Variants in VGLL2 observed in about 807,000 individuals in gnomAD.
VGLL2 encodes the protein transcription cofactor vestigial-like protein 2.
A neutral mutation model predicts 27.0 loss-of-function variants in VGLL2; 18 were observed. The ratio of observed to expected loss-of-function variants is 0.67; its 90% CI spans 0.46 to 0.99. VGLL2 has a LOEUF of 0.99. Ranked by LOEUF, VGLL2 falls within the 50% of genes least tolerant of loss-of-function variation. The pLI is 0.00. For missense variants in VGLL2, 491 were observed against 452.3 expected, an observed-to-expected ratio of 1.09 and a Z score of -0.78; for synonymous variants, 220 against 201.1, an observed-to-expected ratio of 1.09 and a Z score of -0.80.
In VGLL2 at chr6:117,268,233, C is replaced by G; in HGVS notation, c.133C>G (p.Pro45Ala). Residue 45 changes from proline (P) to alanine (A), a missense_variant, in exon 2 of 4, where the codon CCC becomes GCC. By Grantham distance (27) the Pro-to-Ala change is conservative (BLOSUM62 -1). Transcript: ENST00000326274. ...MQEAQECNAS[P>A]SSSGSGSSSF... ...GGAAGCGCAGGAGTGCAATGCCAGC[C>G]CCAGCAGCAGTGGCAGCGGCAGCTC... 3 of 1,614,184 alleles carry G rather than the reference C, an allele frequency of 1.9e-6. No homozygotes were observed. The highest frequency in any genetic ancestry group is 2.5e-6 in the Non-Finnish European group (3 of 1,180,040).
At chr6:117,267,291 A>C (rs1459715126) in intron 1 of VGLL2, among the ~76,000 whole-genome samples, 1 of 152,170 alleles carries the variant, frequency 6.6e-6, no homozygotes, top group Non-Finnish European at 1.5e-5. Flanking sequence ...CATTTCTAAG[A>C]AAATGTTCAC....
intron 2 of VGLL2, among the ~76,000 whole-genome samples, chr6:117,269,866 T>G (rs1217481425): frequency 6.6e-6 from 1 of 152,204 alleles, no homozygotes; most frequent in South Asian, 2.1e-4. Context: ...TGTCCTTCTG[T>G]GCAAATAATA....
intron 1 of VGLL2, 73 bp downstream of exon 1, chr6:117,265,917 A>C (rs1656292405): frequency 2.9e-6 from 4 of 1,385,776 alleles, no homozygotes; most frequent in Non-Finnish European, 2.0e-6. Flanking sequence ...CTGTACGCCA[A>C]GGTCTGCTGT....
Position 117,265,719 on chromosome 6 carries a change from G to C in VGLL2, c.-45G>C. ...GCAGCACCCCTGAGCTCCGGGGAAG[G>C]AGAGTTAATGAAAAAACACTTAACC... On this transcript the variant is annotated 5_prime_UTR_variant, in exon 1 of 4. Transcript: ENST00000326274. 4 of 1,554,796 alleles carry C rather than the reference G, an allele frequency of 2.6e-6. No homozygotes were observed. Among genetic ancestry groups the C allele is most frequent in the Non-Finnish European group, 3.5e-6 (4 of 1,126,806 alleles).
At chr6:117,270,508 C>A in intron 2 of VGLL2, 35 bp from the exon 3 acceptor site, 1 of 1,546,030 alleles carries the variant, frequency 6.5e-7, no homozygotes, top group Admixed American at 1.9e-5. Context: ...ACCTCTTTTC[C>A]TTTCCTCCAC....
chr6:117,271,304 AT>A (rs1472570915), intron 3 of VGLL2, among the ~76,000 whole-genome samples: 1 of 138,758 alleles, frequency 7.2e-6, no homozygotes, highest in African/African-American at 2.8e-5. Flanking sequence ...TAAAATAATA[AT>A]AATAATAATA....
intron 2 of VGLL2, 51 bp downstream of exon 2, chr6:117,268,542 G>A: frequency 6.7e-7 from 1 of 1,494,702 alleles, no homozygotes; most frequent in Non-Finnish European, 8.9e-7. Context: ...CTCTCAGCCT[G>A]GGGTTCACCT....
chr6:117,265,692 A>G lies in VGLL2; in HGVS notation c.-72A>G, dbSNP rs1773051378. The G allele has an allele frequency of 2.2e-6, 3 of 1,379,520 alleles. No individual in the cohort carries two copies. Among genetic ancestry groups the G allele is most frequent in the East Asian group, 4.6e-5 (2 of 43,270 alleles). The allele number at this position is 1,379,520 out of a possible 1,614,324, so 85.5% of individuals were successfully genotyped here. A position where few individuals can be genotyped will look rare whatever the true frequency, so the allele number is the denominator to read the frequency against. ...CAGAGCGCGGGTCCAAGCGCCGCCC[A>G]TGCAGCACCCCTGAGCTCCGGGGAA... On this transcript the variant is annotated 5_prime_UTR_variant, in exon 1 of 4. The change abolishes an upstream ATG in the 5' untranslated region. Coordinates refer to ENST00000326274, the MANE Select transcript of VGLL2 (RefSeq NM_182645.3).
In VGLL2 at chr6:117,267,262, C is replaced by T. The variant is rs191201423; in HGVS notation, c.82-920C>T. On this transcript the variant is annotated intron_variant, in intron 1 of 3. Transcript: ENST00000326274. ...TCTCTGCCTGCAGAATGCTTTAACA[C>T]TTCATTCAGTCCATTGCTCATTTCT... Among the ~76,000 whole-genome samples the T allele has an allele frequency of 2.7e-3, 406 of 152,296 alleles. 5 individuals are homozygous for T. In the Middle Eastern group the frequency reaches 0.034, roughly 13 times the overall value.
At chr6:117,270,429 C>A in intron 2 of VGLL2, 114 bp from the exon 3 acceptor site, 1 of 1,351,856 alleles carries the variant, frequency 7.4e-7, no homozygotes, top group Non-Finnish European at 9.7e-7. Flanking sequence ...CAGCCCTGTG[C>A]CCGCCCGGCG....
At chr6:117,269,695 T>C (rs905845113) in intron 2 of VGLL2, among the ~76,000 whole-genome samples, 1 of 152,182 alleles carries the variant, frequency 6.6e-6, no homozygotes, top group South Asian at 2.1e-4. Flanking sequence ...TTCTTACTAA[T>C]GGCAACAAAT....
intron 2 of VGLL2, among the ~76,000 whole-genome samples, chr6:117,269,401 T>C (rs1317734029): frequency 6.6e-6 from 1 of 152,160 alleles, no homozygotes; most frequent in Admixed American, 6.5e-5. Context: ...AAATTTTCAT[T>C]TGTCTTTGGG....
At chr6:117,268,029 G>A (rs1487240497) in intron 1 of VGLL2, among the ~76,000 whole-genome samples, 153 bp from the exon 2 acceptor site, 6 of 152,108 alleles carry the variant, frequency 3.9e-5, no homozygotes, top group Non-Finnish European at 7.4e-5. Context: ...ATGTTGCCCC[G>A]CTATTGCTAG....
intron 2 of VGLL2, 64 bp downstream of exon 2, chr6:117,268,555 A>G (rs1208218129): frequency 4.8e-6 from 7 of 1,454,112 alleles, no homozygotes; most frequent in Non-Finnish European, 6.4e-6. Context: ...GTTCACCTAC[A>G]GGAGCCTAAA....
intron 2 of VGLL2, among the ~76,000 whole-genome samples, chr6:117,269,440 T>C (rs1328925161): frequency 6.6e-6 from 1 of 152,204 alleles, no homozygotes; most frequent in East Asian, 1.9e-4. Context: ...ACCCCCTTTT[T>C]TCCCCCTTAA....
chr6:117,270,496 G>GC, intron 2 of VGLL2, 47 bp from the exon 3 acceptor site: 1 of 1,526,668 alleles, frequency 6.6e-7, no homozygotes, highest in Non-Finnish European at 8.8e-7. Context: ...GCAGTGACAC[G>GC]CACCTCTTTT....
In VGLL2 at chr6:117,268,236, A is replaced by T. The variant is rs764394138; in HGVS notation, c.136A>T (p.Ser46Cys). 2 of 1,614,232 alleles carry T rather than the reference A, an allele frequency of 1.2e-6. No individual in the cohort carries two copies. The highest frequency in any genetic ancestry group is 1.7e-6 in the Non-Finnish European group (2 of 1,180,042). Residue 46 changes from serine (S) to cysteine (C), a missense_variant, in exon 2 of 4, where the codon AGC (serine) becomes TGC (cysteine). Ser to Cys is a moderately radical substitution (Grantham distance 112). Transcript: ENST00000326274. ...QEAQECNASP[S>C]SSGSGSSSFS... is the part of the protein sequence containing the mutation. The stretch of plus-strand genomic sequence containing the variant: ...AGCGCAGGAGTGCAATGCCAGCCCC[A>T]GCAGCAGTGGCAGCGGCAGCTCCTC...
chr6:117,269,260 T>C (rs576562449), intron 2 of VGLL2, among the ~76,000 whole-genome samples: 2 of 152,258 alleles, frequency 1.3e-5, no homozygotes, highest in African/African-American at 4.8e-5. Flanking sequence ...TCCCTTCTAT[T>C]CTGAAATCTC....
chr6:117,270,756 C>T lies in VGLL2; in HGVS notation c.605C>T (p.Ala202Val). 6.6e-7 allele frequency: 1 copy of T among 1,506,514 alleles called. No individual in the cohort carries two copies. The allele number at this position is 1,506,514 out of a possible 1,614,324, so 93.3% of individuals were successfully genotyped here. A position where few individuals can be genotyped will look rare whatever the true frequency, so the allele number is the denominator to read the frequency against. Reference sequence around the variant, plus strand: ...TGGCACCACGCGCACCCGCACCACGCGCACCCGCATCACCCCTACGCCCTG... The same window carrying T: ...TGGCACCACGCGCACCCGCACCACGTGCACCCGCATCACCCCTACGCCCTG... ...EPWHHAHPHH[A>V]HPHHPYALGG... Residue 202 changes from alanine to valine, a missense_variant, in exon 3 of 4, where the codon GCG (alanine) becomes GTG (valine). Coordinates refer to ENST00000326274, the MANE Select transcript of VGLL2 (RefSeq NM_182645.3).
Sources: gnomAD v4.1 joint callset for allele counts (sites outside exome capture counted in the v4.1 genomes callset) on GRCh38, gnomAD v4.1.1 for gene constraint, MANE v1.5 for transcripts, NCBI Gene and HGNC (gene_info 2026-07-23, HGNC 2026-07-21) for gene names.